STAG1: variants seen among roughly 807,000 people sequenced by gnomAD.
STAG1 encodes cohesin subunit SA-1.
Under a neutral mutation model 170.9 loss-of-function variants are expected in STAG1, and 26 were observed. The observed-to-expected ratio is 0.15, with a 90% CI of 0.11 to 0.21. The LOEUF (loss-of-function observed/expected upper bound fraction) is 0.21, where lower values mean the gene tolerates loss of function less well. STAG1 is among the 10% of genes least tolerant of loss of function. The pLI, the probability that STAG1 is intolerant of heterozygous loss-of-function variation, is 1.00. For missense variants in STAG1, 964 were observed against 1,509.5 expected (o/e 0.64, Z 5.99); for synonymous variants, 514 against 497.7 (o/e 1.03, Z -0.44).
chr3:136,673,851 C>T (rs1007364831), intron 1 of STAG1, among the ~76,000 whole-genome samples: 4 of 151,762 alleles, frequency 2.6e-5, no homozygotes, highest in African/African-American at 9.7e-5. Context: ...ACCTGTAATC[C>T]CAGCACTTTG....
At chr3:136,588,000 A>G (rs111673939) in intron 4 of STAG1, among the ~76,000 whole-genome samples, 1 of 152,204 alleles carries the variant, frequency 6.6e-6, no homozygotes, top group African/African-American at 2.4e-5. Flanking sequence ...TACACTTAAC[A>G]CAATATTAGG....
chr3:136,727,328 G>A (rs1467338022), intron 1 of STAG1, among the ~76,000 whole-genome samples: 4 of 152,098 alleles, frequency 2.6e-5, no homozygotes, highest in Non-Finnish European at 5.9e-5. Context: ...TGAAGTGAAG[G>A]GGAGGGGAGG....
intron 1 of STAG1, among the ~76,000 whole-genome samples, chr3:136,646,331 C>T (rs1266022856): frequency 3.9e-5 from 6 of 152,120 alleles, no homozygotes; most frequent in South Asian, 2.1e-4. Flanking sequence ...TGTATTTGTC[C>T]GTGGCTCCCT....
chr3:136,651,655 A>G (rs901047213), intron 1 of STAG1, among the ~76,000 whole-genome samples: 11 of 152,166 alleles, frequency 7.2e-5, no homozygotes, highest in African/African-American at 1.9e-4. Context: ...CTCTCATGGC[A>G]GAAGATATAA....
At chr3:136,346,312 C>CTCTCAT (rs1341724421) in intron 29 of STAG1, among the ~76,000 whole-genome samples, 1 of 152,178 alleles carries the variant, frequency 6.6e-6, no homozygotes, top group Non-Finnish European at 1.5e-5. Context: ...CCAGGGAGAA[C>CTCTCAT]TCTCATCTTA....
intron 22 of STAG1, among the ~76,000 whole-genome samples, chr3:136,389,484 G>A (rs11705908): frequency 0.015 from 2,262 of 151,892 alleles, 29 homozygotes; most frequent in Non-Finnish European, 0.024. Flanking sequence ...TAGTAGAGAC[G>A]GGGTTTCACC....
At chr3:136,612,068 C>T (rs1939320202) in intron 3 of STAG1, among the ~76,000 whole-genome samples, 1 of 151,810 alleles carries the variant, frequency 6.6e-6, no homozygotes, top group Non-Finnish European at 1.5e-5. Flanking sequence ...AGGATGGTCT[C>T]GATCTCCTGA....
intron 1 of STAG1, among the ~76,000 whole-genome samples, chr3:136,726,942 T>TA (rs1280994648): frequency 3.3e-5 from 5 of 152,188 alleles, no homozygotes; most frequent in African/African-American, 7.2e-5. Flanking sequence ...CCATTTCTGC[T>TA]AAAAAGATTT....
intron 1 of STAG1, among the ~76,000 whole-genome samples, chr3:136,731,844 T>C (rs539731521): frequency 6.6e-6 from 1 of 152,250 alleles, no homozygotes; most frequent in African/African-American, 2.4e-5. Context: ...TATCTAAATA[T>C]CAACATTTTA....
At chr3:136,459,032 A>G (rs1468240117) in intron 13 of STAG1, among the ~76,000 whole-genome samples, 1 of 152,094 alleles carries the variant, frequency 6.6e-6, no homozygotes, top group African/African-American at 2.4e-5. Context: ...ATCCTGGCCA[A>G]CATGGTGAAA....
chr3:136,367,794 AT>A (rs1553793842), intron 24 of STAG1, among the ~76,000 whole-genome samples: 1 of 152,136 alleles, frequency 6.6e-6, no homozygotes, highest in Non-Finnish European at 1.5e-5. Flanking sequence ...CATATAAAAA[AT>A]TTTTAAAGCC....
chr3:136,369,877 G>A (rs930948302), intron 23 of STAG1, among the ~76,000 whole-genome samples: 9 of 152,136 alleles, frequency 5.9e-5, no homozygotes, highest in African/African-American at 1.7e-4. Flanking sequence ...ACCTAGTGAT[G>A]TAGTAACATA....
At chr3:136,401,130 A>G (rs551195498) in intron 21 of STAG1, among the ~76,000 whole-genome samples, 20 of 152,358 alleles carry the variant, frequency 1.3e-4, no homozygotes, top group African/African-American at 4.6e-4. Context: ...AGGAAATAAC[A>G]TCTTGATCTT....
At chr3:136,737,189 C>T (rs912398680) in intron 1 of STAG1, 47 of 718,180 alleles carry the variant, frequency 6.5e-5, no homozygotes, top group Middle Eastern at 2.4e-4. Flanking sequence ...TAAATGCTGC[C>T]TCCGCCACAC....
intron 2 of STAG1, among the ~76,000 whole-genome samples, chr3:136,630,266 C>T (rs1940279091): frequency 6.6e-6 from 1 of 152,058 alleles, no homozygotes; most frequent in Non-Finnish European, 1.5e-5. Flanking sequence ...TAATGGGACG[C>T]CATCAAAAAT....
chr3:136,475,521 G>C (rs566810515), intron 10 of STAG1, among the ~76,000 whole-genome samples: 2 of 152,206 alleles, frequency 1.3e-5, no homozygotes, highest in Non-Finnish European at 2.9e-5. Flanking sequence ...TTGGCATCCA[G>C]GGAATGTGAT....
chr3:136,378,551 C>T (rs567421472), intron 22 of STAG1, among the ~76,000 whole-genome samples: 4 of 152,168 alleles, frequency 2.6e-5, no homozygotes, highest in East Asian at 1.9e-4. Context: ...GCCTGTAGTC[C>T]GAGTTACTGG....
intron 21 of STAG1, 189 bp downstream of exon 21, chr3:136,417,696 C>T: frequency 2.0e-6 from 1 of 496,384 alleles, no homozygotes; most frequent in Non-Finnish European, 3.6e-6. Flanking sequence ...GTTTTTTCTA[C>T]TCTTAACACA....
chr3:136,545,240 T>C (rs1936103428), intron 5 of STAG1, among the ~76,000 whole-genome samples: 1 of 152,108 alleles, frequency 6.6e-6, no homozygotes, highest in African/African-American at 2.4e-5. Flanking sequence ...ACAATAAGTT[T>C]TGTATTTTTA....
Sources: gnomAD v4.1 joint callset for allele counts (sites outside exome capture counted in the v4.1 genomes callset) on GRCh38, gnomAD v4.1.1 for gene constraint, MANE v1.5 for transcripts, NCBI Gene and HGNC (gene_info 2026-07-23, HGNC 2026-07-21) for gene names.